PRKN: variants seen among roughly 807,000 people sequenced by gnomAD.
The protein encoded by PRKN is parkin RBR E3 ubiquitin protein ligase.
PRKN carries 56 observed loss-of-function variants against 59.5 expected under a neutral mutation model. The observed-to-expected ratio is 0.94, with a 90% CI of 0.76 to 1.18. The LOEUF is 1.18. Among genes scored for constraint, PRKN ranks in the 50% most tolerant of loss-of-function variants. PRKN has a pLI of 0.00. For synonymous variants in PRKN, 250 were observed against 222.1 expected, an observed-to-expected ratio of 1.13 and a Z score of -1.12; for missense variants, 657 against 596.4, an observed-to-expected ratio of 1.10 and a Z score of -1.06.
At chr6:162,581,162 G>T (rs1424714870) in intron 1 of PRKN, among the ~76,000 whole-genome samples, 2 of 152,094 alleles carry the variant, frequency 1.3e-5, no homozygotes, top group Non-Finnish European at 2.9e-5. Context: ...AGACAAATTT[G>T]ATTTCCTTTC....
chr6:161,874,728 A>AAAATATATAATATATAC (rs1562355823), intron 6 of PRKN, among the ~76,000 whole-genome samples: 2 of 32,688 alleles, frequency 6.1e-5, no homozygotes, highest in African/African-American at 2.5e-4. Flanking sequence ...ACAATATATA[A>AAAATATATAATATATAC]AATGTACTAT....
At chr6:161,506,430 A>C (rs1778171651) in intron 9 of PRKN, among the ~76,000 whole-genome samples, 1 of 152,202 alleles carries the variant, frequency 6.6e-6, no homozygotes. Flanking sequence ...TTTTGGGCTG[A>C]GACAATGGGG....
chr6:161,529,610 T>G lies in PRKN; in HGVS notation c.1083+19244A>C, dbSNP rs1220425950. On this transcript the variant is annotated intron_variant, in intron 9 of 11. Transcript: ENST00000366898. This position sits in a 1 kb window ranked among gnomAD's most constrained non-coding sequence, Gnocchi z 4.4. ...TAAACCTCCATATTTGGACGAAGTA[T>G]AGTCTACTCATAGGATTACGGCAAC... 6.6e-6 allele frequency among the ~76,000 whole-genome samples: 1 copy of G among 152,226 alleles called. No homozygotes were observed. Among genetic ancestry groups the G allele is most frequent in the East Asian group, 1.9e-4 (1 of 5,198 alleles).
chr6:162,162,238 C>G (rs1405559482), intron 4 of PRKN, among the ~76,000 whole-genome samples: 1 of 152,150 alleles, frequency 6.6e-6, no homozygotes. Flanking sequence ...CACATGCCAC[C>G]ATACCTGGCT....
chr6:162,388,956 T>G (rs1787006493), intron 2 of PRKN, among the ~76,000 whole-genome samples: 1 of 150,474 alleles, frequency 6.6e-6, no homozygotes, highest in Non-Finnish European at 1.5e-5. Context: ...CCCAGACACT[T>G]TTTGTCCCCA....
intron 7 of PRKN, among the ~76,000 whole-genome samples, chr6:161,690,853 T>G (rs957969130): frequency 2.6e-5 from 4 of 152,296 alleles, no homozygotes; most frequent in South Asian, 4.1e-4. Context: ...GACTCCAGCT[T>G]GCAGATGGCA....
chr6:161,916,704 T>C (rs1051371983), intron 6 of PRKN, among the ~76,000 whole-genome samples: 3 of 152,226 alleles, frequency 2.0e-5, no homozygotes, highest in African/African-American at 2.4e-5. Flanking sequence ...ATGGCTTTCC[T>C]CTTCTTCTAC....
At chr6:162,574,151 G>A in intron 1 of PRKN, among the ~76,000 whole-genome samples, 1 of 152,084 alleles carries the variant, frequency 6.6e-6, no homozygotes, top group Non-Finnish European at 1.5e-5. Context: ...GCCATCTCTG[G>A]AACTCTGCAG....
In PRKN at chr6:161,378,757, C is replaced by T. The variant is rs1040607581; in HGVS notation, c.1167+8037G>A. Among the ~76,000 whole-genome samples the T allele has an allele frequency of 1.1e-4, 16 of 152,208 alleles. No homozygotes were observed. The highest frequency in any genetic ancestry group is 2.4e-4 in the African/African-American group (10 of 41,536). On this transcript the variant is annotated intron_variant, in intron 10 of 11. Transcript: ENST00000366898. The surrounding 1 kb of genome is among the most constrained non-coding windows in gnomAD (Gnocchi z 7.3). ...CGCTGGAGCTGCACTGTGATGTGGG[C>T]GCTATCCTCTAAGGTGAGATTTACA... is the stretch of plus-strand genomic sequence containing the variant.
Position 161,410,327 on chromosome 6 carries a change from T to C in PRKN, c.1084-23450A>G, listed in dbSNP as rs922127026. 5.3e-5 allele frequency among the ~76,000 whole-genome samples: 8 copies of C among 152,258 alleles called. No homozygotes were observed. The highest frequency in any genetic ancestry group is 1.9e-4 in the African/African-American group (8 of 41,536). On this transcript the variant is annotated intron_variant, in intron 9 of 11. Coordinates refer to ENST00000366898, the MANE Select transcript of PRKN (RefSeq NM_004562.3). The surrounding 1 kb of genome is among the most constrained non-coding windows in gnomAD (Gnocchi z 5.3). Reference sequence around the variant, plus strand: ...GGAGTGGTGGTTGATGTGAGCGCCATGCTGAGCCCCGCTCATACCCACTGG... The same window carrying C: ...GGAGTGGTGGTTGATGTGAGCGCCACGCTGAGCCCCGCTCATACCCACTGG...
At chr6:161,662,032 A>G (rs1784567801) in intron 7 of PRKN, among the ~76,000 whole-genome samples, 2 of 152,122 alleles carry the variant, frequency 1.3e-5, no homozygotes, top group South Asian at 4.2e-4. Context: ...CAAACAAACA[A>G]ACAAAAAAAC....
rs1320023887 is a variant in PRKN at position 162,429,078 on chromosome 6, TAAACCTG to T, written c.171+14225_171+14231del. ...ACCATTTTTATTGCTTTACTTGCTT[TAAACCTG>T]AAGATTGTATTTGGTTGCATGTACC... is the stretch of plus-strand genomic sequence containing the variant. On this transcript the variant is annotated intron_variant, in intron 2 of 11. Coordinates refer to ENST00000366898, the MANE Select transcript of PRKN (RefSeq NM_004562.3). Among the ~76,000 whole-genome samples the T allele has an allele frequency of 3.5e-4, 54 of 152,342 alleles. 1 individual carries two copies. The Middle Eastern group carries it at 0.01, about 29-fold the overall frequency.
At chr6:161,974,412 C>T (rs1394227131) in intron 5 of PRKN, among the ~76,000 whole-genome samples, 1 of 152,186 alleles carries the variant, frequency 6.6e-6, no homozygotes, top group Non-Finnish European at 1.5e-5. Context: ...TTCTTAGTTC[C>T]TTTCCCCAGC....
intron 4 of PRKN, among the ~76,000 whole-genome samples, chr6:162,157,649 A>T (rs1782571140): frequency 6.6e-6 from 1 of 152,036 alleles, no homozygotes; most frequent in Admixed American, 6.5e-5. Context: ...CTCTTTCAGG[A>T]TAATTTATAA....
At chr6:161,706,651 C>G (rs941056962) in intron 7 of PRKN, among the ~76,000 whole-genome samples, 2 of 152,044 alleles carry the variant, frequency 1.3e-5, no homozygotes, top group East Asian at 3.9e-4. Context: ...GGCGCAATCT[C>G]GGTTGAAGCA....
At chr6:162,489,669 C>T (rs564523902) in intron 1 of PRKN, among the ~76,000 whole-genome samples, 12 of 152,328 alleles carry the variant, frequency 7.9e-5, no homozygotes, top group African/African-American at 2.6e-4. Context: ...GCAGGAATAA[C>T]TTTCCCACCC....
chr6:161,710,868 C>CCCCT (rs758970858), intron 7 of PRKN, among the ~76,000 whole-genome samples: 1 of 50,220 alleles, frequency 2.0e-5, no homozygotes, highest in South Asian at 9.1e-4. Flanking sequence ...CTTCCCTTTC[C>CCCCT]TTCCTTCCTT....
chr6:162,299,853 A>C (rs773495634), intron 2 of PRKN, among the ~76,000 whole-genome samples: 9 of 152,078 alleles, frequency 5.9e-5, no homozygotes. Context: ...AGTAAAGTAA[A>C]GCTAGACCAA....
chr6:161,362,897 C>T lies in PRKN; in HGVS notation c.1168-2692G>A, dbSNP rs1785030536. ...TACATGAGTGAAAGTCACAGAATTA[C>T]AGAAACTACAGAATCTAACCAGCAA... is the stretch of plus-strand genomic sequence containing the variant. On this transcript the variant is annotated intron_variant, in intron 10 of 11. Coordinates refer to ENST00000366898, the MANE Select transcript of PRKN (RefSeq NM_004562.3). The surrounding 1 kb of genome is among the most constrained non-coding windows in gnomAD (Gnocchi z 5.2). Among the ~76,000 whole-genome samples the T allele has an allele frequency of 1.3e-5, 2 of 152,198 alleles. No homozygotes were observed. The highest frequency in any genetic ancestry group is 1.3e-4 in the Admixed American group (2 of 15,274).
Sources: allele counts gnomAD v4.1 joint callset (sites outside exome capture counted in the v4.1 genomes callset), GRCh38; gene constraint gnomAD v4.1.1; non-coding constraint Gnocchi (gnomAD v3.1); transcripts MANE v1.5; gene names NCBI Gene and HGNC (gene_info 2026-07-23, HGNC 2026-07-21).